COLEC12: variants seen among roughly 807,000 people sequenced by gnomAD.
COLEC12 encodes collectin subfamily member 12, also known as collectin-12.
In COLEC12, 33 loss-of-function variants were observed where a neutral mutation model predicts 71.1. That is an observed-to-expected ratio of 0.46 (90% CI 0.35 to 0.62). The LOEUF is 0.62. COLEC12 is among the 20% of genes least tolerant of loss of function. COLEC12 has a pLI of 0.00. For synonymous variants in COLEC12, 350 were observed against 353.0 expected (o/e 0.99, Z 0.10); for missense variants, 765 against 916.1 (o/e 0.84, Z 2.13).
In COLEC12 at chr18:333,124, C is replaced by T. The variant is rs147524076; in HGVS notation, c.1836G>A (p.Lys612=). 736 of 1,607,536 alleles carry T rather than the reference C, an allele frequency of 4.6e-4. No homozygotes were observed. The highest frequency in any genetic ancestry group is 5.8e-4 in the Non-Finnish European group (687 of 1,178,156). ...AATAGTAGCATTTGTCTGTGAAGTT[C>T]TTCCAGTGAGGCGGGCAGCCTAGGA... ...PEDNGCPPHW[K]NFTDKCYYFS... The change falls in exon 7 of 10, where the codon AAG becomes AAA. Residue 612 remains lysine (K), a synonymous_variant. Transcript: ENST00000400256.
Position 327,569 on chromosome 18 carries a change from C to A in COLEC12, c.2063+4099G>T, listed in dbSNP as rs1041114688. 6.6e-6 allele frequency among the ~76,000 whole-genome samples: 1 copy of A among 152,226 alleles called. No homozygotes were observed. The highest frequency in any genetic ancestry group is 2.1e-4 in the South Asian group (1 of 4,834). On this transcript the variant is annotated intron_variant, in intron 8 of 9. Transcript: ENST00000400256. This position sits in a 1 kb window ranked among gnomAD's most constrained non-coding sequence, Gnocchi z 4.0. ...TGTGTGTCCCCTAAGCCTTTGGCTT[C>A]TGTTCCATGTCACTATTGCCTTCTG...
intron 1 of COLEC12, among the ~76,000 whole-genome samples, chr18:497,912 C>T (rs1917742919): frequency 6.6e-6 from 1 of 152,208 alleles, no homozygotes; most frequent in Admixed American, 6.5e-5. Context: ...CTTCCAAAGC[C>T]TCACATGCAA....
At chr18:430,551 A>G (rs1329229699) in intron 2 of COLEC12, among the ~76,000 whole-genome samples, 1 of 152,228 alleles carries the variant, frequency 6.6e-6, no homozygotes, top group Non-Finnish European at 1.5e-5. Flanking sequence ...CTAAGAATTT[A>G]TTGGTATAGG....
chr18:388,255 T>C (rs1915388932), intron 2 of COLEC12, among the ~76,000 whole-genome samples: 1 of 152,154 alleles, frequency 6.6e-6, no homozygotes, highest in South Asian at 2.1e-4. Flanking sequence ...ACTTCCACAA[T>C]TGCAAGACAC....
chr18:358,568 G>A (rs1433161592), intron 2 of COLEC12, among the ~76,000 whole-genome samples: 2 of 152,160 alleles, frequency 1.3e-5, no homozygotes, highest in African/African-American at 4.8e-5. Flanking sequence ...TGCTGCCACT[G>A]ATCTGACAGG....
chr18:367,492 A>G (rs919125975), intron 2 of COLEC12, among the ~76,000 whole-genome samples: 5 of 152,198 alleles, frequency 3.3e-5, no homozygotes, highest in African/African-American at 1.2e-4. Context: ...ACTTTCTTCA[A>G]GTGAAGATGA....
chr18:435,250 A>G (rs146043860), intron 2 of COLEC12, among the ~76,000 whole-genome samples: 55 of 152,292 alleles, frequency 3.6e-4, no homozygotes, highest in African/African-American at 1.3e-3. Flanking sequence ...AATATCCAAG[A>G]CTGGGTAATT....
At chr18:420,818 G>A (rs1377989989) in intron 2 of COLEC12, among the ~76,000 whole-genome samples, 1 of 152,114 alleles carries the variant, frequency 6.6e-6, no homozygotes, top group Non-Finnish European at 1.5e-5. Flanking sequence ...AATTCTCAAA[G>A]ATAGCCAAGG....
intron 2 of COLEC12, among the ~76,000 whole-genome samples, chr18:419,524 T>C (rs1916055954): frequency 1.3e-5 from 2 of 152,218 alleles, no homozygotes; most frequent in South Asian, 4.1e-4. Flanking sequence ...TTTTAAATGA[T>C]ACAGAGTCAT....
rs566070829 is a variant in COLEC12, at chr18:334,974, G to A, written c.1584C>T (p.Pro528=). ...GTCCCTCTTTGCCTGGTGGGCCCGG[G>A]GGGCCTGGGTCCCCACTGGAGCCCT... ...GPQGSSGDPG[P]PGPPGKEGLP... The change falls in exon 6 of 10, where the codon CCC becomes CCT. Residue 528 remains proline, a synonymous_variant. Transcript: ENST00000400256. The A allele has an allele frequency of 1.3e-6, 2 of 1,561,626 alleles. No individual in the cohort carries two copies. The highest frequency in any genetic ancestry group is 2.3e-5 in the East Asian group (1 of 43,228).
intron 9 of COLEC12, 64 bp downstream of exon 9, chr18:321,598 C>T: frequency 6.3e-7 from 1 of 1,584,314 alleles, no homozygotes; most frequent in Non-Finnish European, 8.6e-7. Context: ...TTGTACTCAC[C>T]ACCCCTCACC....
chr18:329,257 C>T (rs1282436691), intron 8 of COLEC12, among the ~76,000 whole-genome samples: 4 of 152,106 alleles, frequency 2.6e-5, no homozygotes, highest in Non-Finnish European at 5.9e-5. Context: ...TCCATATGGG[C>T]CAATCCAGTT....
intron 2 of COLEC12, among the ~76,000 whole-genome samples, chr18:468,949 CATAGCTGCT>C (rs1455732391): frequency 6.6e-6 from 1 of 152,228 alleles, no homozygotes; most frequent in Non-Finnish European, 1.5e-5. Flanking sequence ...TTTAAGTGAA[CATAGCTGCT>C]ATTAATCAGC....
In COLEC12 at chr18:362,895, A is replaced by G. The variant is rs1187943720; in HGVS notation, c.59-5373T>C. Among the ~76,000 whole-genome samples the G allele has an allele frequency of 6.6e-6, 1 of 152,164 alleles. No homozygotes were observed. Among genetic ancestry groups the G allele is most frequent in the Non-Finnish European group, 1.5e-5 (1 of 68,042 alleles). On this transcript the variant is annotated intron_variant, in intron 2 of 9. Transcript: ENST00000400256. This position sits in a 1 kb window ranked among gnomAD's most constrained non-coding sequence, Gnocchi z 4.6. ...ACAAAAAAGTGTGGGGGCCCAGTGA[A>G]GCCAAAATCGCTCTGGTTAACTCCT...
In COLEC12 at chr18:318,529, G is replaced by T. The variant is rs1173180474; in HGVS notation, c.*1516C>A. 3.4e-5 allele frequency: 4 copies of T among 115,990 alleles called. No homozygotes were observed. The highest frequency in any genetic ancestry group is 1.4e-4 in the African/African-American group (4 of 29,324). 7.2% of individuals were successfully genotyped at this position (115,990 alleles called of 1,614,324 possible). ...TTTTTTTGAGATGGAGTCTTGCTCTGTCACCGAGGCTGGAGTGCAGTGGTG... is the reference window on the plus strand; with the variant it reads ...TTTTTTTGAGATGGAGTCTTGCTCTTTCACCGAGGCTGGAGTGCAGTGGTG... On this transcript the variant is annotated 3_prime_UTR_variant, in exon 10 of 10. Coordinates refer to ENST00000400256, the MANE Select transcript of COLEC12 (RefSeq NM_130386.3).
intron 2 of COLEC12, among the ~76,000 whole-genome samples, chr18:388,620 G>T (rs1422152893): frequency 1.3e-5 from 2 of 152,122 alleles, no homozygotes; most frequent in African/African-American, 2.4e-5. Flanking sequence ...TTGAGACAGG[G>T]TCTTGCTCTG....
chr18:369,353 C>G (rs758688022), intron 2 of COLEC12, among the ~76,000 whole-genome samples: 1 of 150,206 alleles, frequency 6.7e-6, no homozygotes, highest in Non-Finnish European at 1.5e-5. Flanking sequence ...CATGAAGCAT[C>G]GTTCCTTTCC....
intron 3 of COLEC12, among the ~76,000 whole-genome samples, chr18:352,879 C>G (rs1436720965): frequency 6.6e-6 from 1 of 152,224 alleles, no homozygotes; most frequent in Non-Finnish European, 1.5e-5. Context: ...ACCATTCTCA[C>G]ATGAGAAAAA....
rs1040010761 is a variant in COLEC12 at position 432,806 on chromosome 18, T to C, written c.58+47901A>G. Among the ~76,000 whole-genome samples the C allele has an allele frequency of 2.0e-5, 3 of 152,330 alleles. No individual in the cohort carries two copies. In the South Asian group the frequency reaches 6.2e-4, roughly 32 times the overall value. On this transcript the variant is annotated intron_variant, in intron 2 of 9. Coordinates refer to ENST00000400256, the MANE Select transcript of COLEC12 (RefSeq NM_130386.3). Reference sequence around the variant, plus strand: ...TCACAAGCTGCAACCCTTCCGGCGCTCACCTCCCCAAGCAAACCTTTCAAG... The same window carrying C: ...TCACAAGCTGCAACCCTTCCGGCGCCCACCTCCCCAAGCAAACCTTTCAAG...
Sources: allele counts gnomAD v4.1 joint callset (sites outside exome capture counted in the v4.1 genomes callset), GRCh38; gene constraint gnomAD v4.1.1; non-coding constraint Gnocchi (gnomAD v3.1); transcripts MANE v1.5; gene names NCBI Gene and HGNC (gene_info 2026-07-23, HGNC 2026-07-21).